The following NINJ2 variants were observed in gnomAD, a reference collection of about 807,000 sequenced individuals.
NINJ2 encodes the protein ninjurin 2.
In NINJ2, 12 loss-of-function variants were observed where a neutral mutation model predicts 11.7. The ratio of observed to expected loss-of-function variants is 1.02; its 90% confidence interval spans 0.66 to 1.66. The LOEUF is 1.66. Among genes scored for constraint, NINJ2 ranks in the 40% most tolerant of loss-of-function variants. The pLI, the probability that NINJ2 is intolerant of heterozygous loss-of-function variation, is 0.00. For missense variants in NINJ2, 187 were observed against 181.8 expected (o/e 1.03, Z -0.16); for synonymous variants, 93 against 76.8 (o/e 1.21, Z -1.10).
At chr12:621,371 T>C (rs1948150090) in intron 1 of NINJ2, among the ~76,000 whole-genome samples, 1 of 151,680 alleles carries the variant, frequency 6.6e-6, no homozygotes, top group Non-Finnish European at 1.5e-5. Flanking sequence ...GGAGAATTGC[T>C]TGATCCTGAG....
chr12:615,758 T>C (rs1948084624), intron 1 of NINJ2, among the ~76,000 whole-genome samples: 1 of 152,214 alleles, frequency 6.6e-6, no homozygotes, highest in African/African-American at 2.4e-5. Context: ...TAGAGGGCTA[T>C]GTGTGGGACT....
chr12:589,073 A>G (rs1056669468), intron 1 of NINJ2, among the ~76,000 whole-genome samples: 1 of 152,216 alleles, frequency 6.6e-6, no homozygotes, highest in African/African-American at 2.4e-5. Context: ...AATGCTCCCC[A>G]AAGCTCAAAA....
At chr12:612,520 G>A (rs1193701015) in intron 1 of NINJ2, among the ~76,000 whole-genome samples, 2 of 152,030 alleles carry the variant, frequency 1.3e-5, no homozygotes, top group Non-Finnish European at 2.9e-5. Context: ...CAACCTCCAC[G>A]GACTACATGA....
At chr12:603,119 G>A (rs1374966327) in intron 1 of NINJ2, among the ~76,000 whole-genome samples, 1 of 152,144 alleles carries the variant, frequency 6.6e-6, no homozygotes, top group East Asian at 1.9e-4. Flanking sequence ...TTTCAAGCAT[G>A]AGCCACCACA....
chr12:599,347 G>A (rs11611048), intron 1 of NINJ2, among the ~76,000 whole-genome samples: 41,741 of 151,880 alleles, frequency 0.27, 5,983 homozygotes, highest in Admixed American at 0.37. Context: ...TTGCGCCGTC[G>A]CACTACAAGA....
intron 1 of NINJ2, among the ~76,000 whole-genome samples, chr12:569,888 C>T (rs1214628018): frequency 6.6e-6 from 1 of 152,172 alleles, no homozygotes; most frequent in African/African-American, 2.4e-5. Flanking sequence ...GGGTGCTGGG[C>T]GGGATCAGGG....
intron 1 of NINJ2, among the ~76,000 whole-genome samples, chr12:659,231 A>G (rs1937924232): frequency 6.6e-6 from 1 of 152,008 alleles, no homozygotes. Context: ...AACCTGAGCT[A>G]TACTGAATTT....
At chr12:589,578 G>A (rs568113921) in intron 1 of NINJ2, 4 of 152,298 alleles carry the variant, frequency 2.6e-5, no homozygotes, top group Admixed American at 6.5e-5. Context: ...TTCTAGAAGA[G>A]CTCTAACACT....
chr12:610,116 C>T (rs1035445682), intron 1 of NINJ2, among the ~76,000 whole-genome samples: 6 of 152,210 alleles, frequency 3.9e-5, no homozygotes, highest in African/African-American at 1.4e-4. Context: ...CCAAAAGCTA[C>T]AAAGTCCATT....
chr12:606,199 G>A (rs1412848637), intron 1 of NINJ2, among the ~76,000 whole-genome samples: 1 of 151,334 alleles, frequency 6.6e-6, no homozygotes, highest in African/African-American at 2.4e-5. Flanking sequence ...AGGAATATTC[G>A]GAAACCAAAG....
Position 564,431 on chromosome 12 carries a change from A to G in NINJ2, c.*269T>C, listed in dbSNP as rs1947261979. The G allele has an allele frequency of 6.6e-6, 1 of 152,264 alleles. No homozygotes were observed. The highest frequency in any genetic ancestry group is 2.1e-4 in the South Asian group (1 of 4,836). The allele number at this position is 152,264 out of a possible 1,614,324, so 9.4% of individuals were successfully genotyped here. ...CGGGCAGACTTGGCCTTAGACAGACATGCCTTACTTAGGTCCAGCAGATGC... is the reference window on the plus strand; with the variant it reads ...CGGGCAGACTTGGCCTTAGACAGACGTGCCTTACTTAGGTCCAGCAGATGC... On this transcript the variant is annotated 3_prime_UTR_variant, in exon 4 of 4. Transcript: ENST00000305108.
At chr12:611,445 C>T (rs374923803) in intron 1 of NINJ2, among the ~76,000 whole-genome samples, 6 of 152,242 alleles carry the variant, frequency 3.9e-5, no homozygotes, top group African/African-American at 1.4e-4. Flanking sequence ...TTACGCAATT[C>T]TCCTGCTTCA....
intron 1 of NINJ2, among the ~76,000 whole-genome samples, chr12:619,030 C>T (rs1040006552): frequency 5.3e-5 from 8 of 152,180 alleles, no homozygotes; most frequent in African/African-American, 1.9e-4. Context: ...AAAACTAAAT[C>T]CCAGAACTTC....
intron 1 of NINJ2, among the ~76,000 whole-genome samples, chr12:653,156 G>C (rs569183809): frequency 3.0e-4 from 45 of 151,362 alleles, no homozygotes; most frequent in African/African-American, 9.9e-4. Context: ...GAGTAGCTGG[G>C]ACTACAGGCA....
chr12:636,635 A>G (rs1269995937), intron 1 of NINJ2, among the ~76,000 whole-genome samples: 1 of 152,164 alleles, frequency 6.6e-6, no homozygotes, highest in Non-Finnish European at 1.5e-5. Flanking sequence ...AAAAGGCTCA[A>G]TGTCACCAGT....
Position 628,346 on chromosome 12 carries a change from A to G in NINJ2, c.33+34982T>C, listed in dbSNP as rs1948233047. ...CCTCCTCATAGAGATCTCAGAGTACATAGGAAGGAGCCAGGTCTTTCCGTT... is the reference window on the plus strand; with the variant it reads ...CCTCCTCATAGAGATCTCAGAGTACGTAGGAAGGAGCCAGGTCTTTCCGTT... On this transcript the variant is annotated intron_variant, in intron 1 of 3. Transcript: ENST00000305108. This position sits in a 1 kb window ranked among gnomAD's most constrained non-coding sequence, Gnocchi z 4.4. 6.6e-6 allele frequency among the ~76,000 whole-genome samples: 1 copy of G among 152,102 alleles called. No homozygotes were observed. The highest frequency in any genetic ancestry group is 2.1e-4 in the South Asian group (1 of 4,836).
At chr12:569,192 C>T (rs1947344152) in intron 1 of NINJ2, among the ~76,000 whole-genome samples, 1 of 152,174 alleles carries the variant, frequency 6.6e-6, no homozygotes, top group Non-Finnish European at 1.5e-5. Flanking sequence ...CTTTGGAAAT[C>T]CAGTTCAAGC....
chr12:645,683 C>A (rs549064299), intron 1 of NINJ2: 55 of 152,316 alleles, frequency 3.6e-4, no homozygotes, highest in African/African-American at 1.3e-3. Context: ...TCTTTGATGG[C>A]TCCACGACCA....
intron 1 of NINJ2, among the ~76,000 whole-genome samples, chr12:617,399 C>T (rs1948105772): frequency 6.6e-6 from 1 of 152,204 alleles, no homozygotes; most frequent in Non-Finnish European, 1.5e-5. Context: ...AGAATCCTTC[C>T]TTCTAATCCT....
Sources: allele counts gnomAD v4.1 joint callset (sites outside exome capture counted in the v4.1 genomes callset), GRCh38; gene constraint gnomAD v4.1.1; non-coding constraint Gnocchi (gnomAD v3.1); transcripts MANE v1.5; gene names NCBI Gene and HGNC (gene_info 2026-07-23, HGNC 2026-07-21).